CRK: variants seen among roughly 807,000 people sequenced by gnomAD.
CRK encodes CRK proto-oncogene, adaptor protein.
A neutral mutation model predicts 29.8 loss-of-function variants in CRK; 4 were observed. That is an observed-to-expected ratio of 0.13 (90% CI 0.07 to 0.31). The LOEUF (loss-of-function observed/expected upper bound fraction) is 0.31, where lower values mean the gene tolerates loss of function less well. Among genes scored for constraint, CRK ranks in the 10% least tolerant of loss-of-function variants. The pLI, the probability that CRK is intolerant of heterozygous loss-of-function variation, is 1.00. For missense variants in CRK, 274 were observed against 396.5 expected (o/e 0.69, Z 2.62); for synonymous variants, 153 against 164.9 (o/e 0.93, Z 0.55).
chr17:1,454,266 C>T (rs1013849637), intron 1 of CRK, among the ~76,000 whole-genome samples: 1 of 150,800 alleles, frequency 6.6e-6, no homozygotes, highest in Non-Finnish European at 1.5e-5. Context: ...GTTGGCCAGG[C>T]GCGGTGGCTC....
intron 2 of CRK, chr17:1,424,929 G>C (rs1423073406): frequency 6.6e-6 from 1 of 151,848 alleles, no homozygotes; most frequent in Admixed American, 6.6e-5. Context: ...TGGGTGGACT[G>C]CTTGAGCCCA....
chr17:1,444,599 G>GGGGC lies in CRK; in HGVS notation c.242-7445_242-7444insGCCC. Among the ~76,000 whole-genome samples, 3 of 149,940 alleles carry GGGGC rather than the reference G, an allele frequency of 2.0e-5. 1 individual carries two copies. In the South Asian group the frequency reaches 6.6e-4, roughly 33 times the overall value. On this transcript the variant is annotated intron_variant, in intron 1 of 2. Coordinates refer to ENST00000300574, the MANE Select transcript of CRK (RefSeq NM_016823.4). ...CAGCACTTTGGGAAGCCGAAGCGGG[G>GGGGC]GGGGGGATCACCTGAGATCGGGAGT...
chr17:1,450,603 C>T (rs2074010003), intron 1 of CRK, among the ~76,000 whole-genome samples: 1 of 151,984 alleles, frequency 6.6e-6, no homozygotes. Context: ...ACTCTGTAGG[C>T]TAGATGCGAT....
chr17:1,428,782 A>G (rs2073807175), intron 2 of CRK, among the ~76,000 whole-genome samples: 1 of 150,902 alleles, frequency 6.6e-6, no homozygotes, highest in Non-Finnish European at 1.5e-5. Flanking sequence ...TCAGCCTCCC[A>G]AAGTGCTGGG....
chr17:1,452,824 A>C (rs545828641), intron 1 of CRK, among the ~76,000 whole-genome samples: 1 of 152,016 alleles, frequency 6.6e-6, no homozygotes, highest in Non-Finnish European at 1.5e-5. Context: ...ACAGCAACTG[A>C]CCAGGCACAG....
chr17:1,443,534 T>C (rs2073950950), intron 1 of CRK, among the ~76,000 whole-genome samples: 1 of 151,882 alleles, frequency 6.6e-6, no homozygotes, highest in Non-Finnish European at 1.5e-5. Flanking sequence ...TAGCTGGGAC[T>C]ACAGGCGCCC....
chr17:1,441,496 G>T (rs1006472469), intron 1 of CRK, among the ~76,000 whole-genome samples: 1 of 151,664 alleles, frequency 6.6e-6, no homozygotes, highest in African/African-American at 2.4e-5. Context: ...GCACCCAGCT[G>T]ATTTTTTTTT....
chr17:1,426,780 T>A (rs1158559191), intron 2 of CRK, among the ~76,000 whole-genome samples: 2 of 151,944 alleles, frequency 1.3e-5, no homozygotes, highest in Non-Finnish European at 2.9e-5. Context: ...GTGAACTGCT[T>A]GAACCTGGGA....
chr17:1,455,370 T>C (rs1295978538), intron 1 of CRK, among the ~76,000 whole-genome samples: 1 of 152,090 alleles, frequency 6.6e-6, no homozygotes, highest in Admixed American at 6.6e-5. Context: ...TTCCTGAGGG[T>C]GTCTCCATCC....
intron 2 of CRK, among the ~76,000 whole-genome samples, chr17:1,427,731 A>G (rs946394244): frequency 3.3e-5 from 5 of 151,674 alleles, no homozygotes; most frequent in African/African-American, 1.2e-4. Context: ...CCAGGTTCAA[A>G]CAATTCTCCT....
At chr17:1,436,233 A>G (rs143080001) in intron 2 of CRK, among the ~76,000 whole-genome samples, 27 of 152,268 alleles carry the variant, frequency 1.8e-4, no homozygotes, top group Admixed American at 3.3e-4. Flanking sequence ...AAGTGCTTTG[A>G]TAGAGACCAC....
rs2073741149 is a variant in CRK, at chr17:1,422,869, G to A, written c.*644C>T. ...GGAATGAAAATACACACTTATCTTA[G>A]GAATTCACCTACTTACAGGTTTGGG... On this transcript the variant is annotated 3_prime_UTR_variant, in exon 3 of 3. Coordinates refer to ENST00000300574, the MANE Select transcript of CRK (RefSeq NM_016823.4). 6 of 398,418 alleles carry A rather than the reference G, an allele frequency of 1.5e-5. No individual in the cohort carries two copies. Among genetic ancestry groups the A allele is most frequent in the Non-Finnish European group, 2.7e-5 (6 of 226,106 alleles). 24.7% of individuals were successfully genotyped at this position (398,418 alleles called of 1,614,324 possible).
At chr17:1,427,925 G>A (rs556197021) in intron 2 of CRK, among the ~76,000 whole-genome samples, 2 of 151,782 alleles carry the variant, frequency 1.3e-5, no homozygotes, top group African/African-American at 2.4e-5. Context: ...CAGCCACCGC[G>A]CCCAGCCTAT....
Position 1,445,111 on chromosome 17 carries a change from G to A in CRK, c.242-7956C>T, listed in dbSNP as rs1264296417. On this transcript the variant is annotated intron_variant, in intron 1 of 2. Transcript: ENST00000300574. ...TGCAGTGAGCCAAGATCGCGCCACT[G>A]TACTCCAGCCTGGGCGACAGAGCGA... Among the ~76,000 whole-genome samples the A allele has an allele frequency of 4.6e-5, 7 of 151,090 alleles. No homozygotes were observed. In the East Asian group the frequency reaches 1.4e-3, roughly 29 times the overall value.
At chr17:1,448,903 A>T (rs952181755) in intron 1 of CRK, among the ~76,000 whole-genome samples, 4 of 151,902 alleles carry the variant, frequency 2.6e-5, no homozygotes, top group African/African-American at 9.7e-5. Context: ...CTGATTAACC[A>T]ATCTTTAGGG....
chr17:1,432,980 G>C (rs1030979506), intron 2 of CRK, among the ~76,000 whole-genome samples: 7 of 152,110 alleles, frequency 4.6e-5, no homozygotes, highest in Admixed American at 1.3e-4. Context: ...CTGTATCATG[G>C]AGTCATTCAT....
intron 2 of CRK, among the ~76,000 whole-genome samples, chr17:1,431,165 C>G (rs1452013369): frequency 6.6e-6 from 1 of 152,172 alleles, no homozygotes; most frequent in African/African-American, 2.4e-5. Context: ...CCTGAGGTCC[C>G]AAAGGCACTA....
intron 2 of CRK, among the ~76,000 whole-genome samples, chr17:1,431,765 ATGGGTTTCACCATGT>A (rs542232009): frequency 2.7e-4 from 41 of 152,264 alleles, no homozygotes; most frequent in African/African-American, 9.9e-4. Context: ...TCTTGTAATG[ATGGGTTTCACCATGT>A]TGACCAGACT....
chr17:1,453,371 G>A (rs1330906964), intron 1 of CRK, among the ~76,000 whole-genome samples: 1 of 152,066 alleles, frequency 6.6e-6, no homozygotes, highest in Admixed American at 6.6e-5. Context: ...TTTCAACTTT[G>A]GCAACCAACA....
Sources: allele counts gnomAD v4.1 joint callset (sites outside exome capture counted in the v4.1 genomes callset), GRCh38; gene constraint gnomAD v4.1.1; transcripts MANE v1.5; gene names NCBI Gene and HGNC (gene_info 2026-07-23, HGNC 2026-07-21).